Variants in NCKAP5 observed in about 807,000 individuals in gnomAD.
NCKAP5 encodes the protein nck-associated protein 5.
In NCKAP5, 92 loss-of-function variants were observed where a neutral mutation model predicts 167.0. The ratio of observed to expected loss-of-function variants is 0.55; its 90% CI spans 0.47 to 0.66. NCKAP5 has a LOEUF of 0.66. Ranked by LOEUF, NCKAP5 falls within the 30% of genes least tolerant of loss-of-function variation. The pLI is 0.00. For missense variants in NCKAP5, 2,378 were observed against 2,315.0 expected, an observed-to-expected ratio of 1.03 and a Z score of -0.56; for synonymous variants, 891 against 877.4, an observed-to-expected ratio of 1.02 and a Z score of -0.27.
the NCKAP5 span, among the ~76,000 whole-genome samples, chr2:133,669,127 G>A: frequency 6.6e-6 from 1 of 152,112 alleles, no homozygotes; most frequent in Admixed American, 6.6e-5. Context: ...TAGTGACTAG[G>A]CTACTGGTTT....
chr2:132,783,516 G>A lies in NCKAP5; in HGVS notation c.3295C>T (p.Pro1099Ser), dbSNP rs756221197. ...ACCCCTAAGAAGGAAGGCTTGGGGG[G>A]TGTGGAGGCGCTATCATTCAATTGT... ...KGQLNDSAST[P>S]PKPSFLGVNE... Residue 1099 changes from proline to serine, a missense_variant, in exon 14 of 20, where the codon CCC becomes TCC. Physicochemically the swap from Pro to Ser is moderately conservative, Grantham distance 74. This residue lies in a region of NCKAP5 where 1,325 missense variants were observed against 1,274.5 expected (regional missense o/e 1.04). Transcript: ENST00000409261. The A allele has an allele frequency of 1.2e-6, 2 of 1,612,872 alleles. No individual in the cohort carries two copies. Among genetic ancestry groups the A allele is most frequent in the African/African-American group, 2.7e-5 (2 of 74,896 alleles).
intron 11 of NCKAP5, among the ~76,000 whole-genome samples, chr2:132,856,505 C>A (rs1343213904): frequency 6.6e-6 from 1 of 152,144 alleles, no homozygotes; most frequent in Non-Finnish European, 1.5e-5. Flanking sequence ...ATCATCTACC[C>A]TATAAAATTC....
chr2:133,193,898 T>C (rs1413384603), intron 5 of NCKAP5, among the ~76,000 whole-genome samples: 5 of 152,146 alleles, frequency 3.3e-5, no homozygotes, highest in Admixed American at 2.6e-4. Context: ...CAACATATTT[T>C]AGTCAAAAAT....
At chr2:133,052,217 C>T (rs189639540) in intron 6 of NCKAP5, among the ~76,000 whole-genome samples, 3 of 152,262 alleles carry the variant, frequency 2.0e-5, no homozygotes, top group Admixed American at 2.0e-4. Context: ...CACCTCTGTG[C>T]CATCTACAGT....
At chr2:132,842,791 C>T (rs1035909618) in intron 11 of NCKAP5, among the ~76,000 whole-genome samples, 3 of 152,050 alleles carry the variant, frequency 2.0e-5, no homozygotes, top group African/African-American at 7.2e-5. Context: ...CCTTCTGCCT[C>T]GGCCTCCCAA....
Position 133,468,582 on chromosome 2 carries a change from C to T in NCKAP5, c.69+48876G>A, listed in dbSNP as rs537199598. Among the ~76,000 whole-genome samples the T allele has an allele frequency of 4.6e-5, 7 of 152,078 alleles. No individual in the cohort carries two copies. In the East Asian group the frequency reaches 5.8e-4, roughly 13 times the overall value. On this transcript the variant is annotated intron_variant, in intron 3 of 19. Transcript: ENST00000409261. ...GGGTATCCTTGTTGACTTTCTGTCT[C>T]GTTGATCTGTCTAATGCTGACAGTG...
intron 3 of NCKAP5, among the ~76,000 whole-genome samples, chr2:133,341,283 G>GA (rs1683565186): frequency 1.8e-5 from 2 of 110,378 alleles, no homozygotes; most frequent in Non-Finnish European, 3.8e-5. Flanking sequence ...GAAGTGAGCA[G>GA]ATTTTTTTTT....
chr2:133,524,048 C>T (rs1684680111), intron 2 of NCKAP5, among the ~76,000 whole-genome samples: 1 of 152,132 alleles, frequency 6.6e-6, no homozygotes, highest in African/African-American at 2.4e-5. Context: ...TCAAGCTTTG[C>T]CGCATGTTAG....
At position 132,938,050 on chromosome 2, in the gene NCKAP5, C is replaced by T. The variant is rs149635768; in HGVS notation, c.579+25670G>A. On this transcript the variant is annotated intron_variant, in intron 8 of 19. Transcript: ENST00000409261. ...CTATTCTATCCTCTGAGCTTTTAAG[C>T]TCCCTTTTCAATAAATAAATCACAA... is the stretch of plus-strand genomic sequence containing the variant. 2.3e-4 allele frequency among the ~76,000 whole-genome samples: 35 copies of T among 152,318 alleles called. No homozygotes were observed. In the East Asian group the frequency reaches 4.8e-3, roughly 21 times the overall value.
At chr2:133,586,886 G>A in the NCKAP5 span, among the ~76,000 whole-genome samples, 236 of 152,184 alleles carry the variant, frequency 1.6e-3, 1 homozygote, top group African/African-American at 5.4e-3. Flanking sequence ...AAAGGGCATG[G>A]CCAGCAAAAG....
At chr2:132,895,059 C>G (rs984827167) in intron 8 of NCKAP5, among the ~76,000 whole-genome samples, 2 of 152,154 alleles carry the variant, frequency 1.3e-5, no homozygotes, top group Non-Finnish European at 2.9e-5. Flanking sequence ...GGGCCGGGCG[C>G]AGTGGCTCAC....
At chr2:132,759,542 G>C (rs1318840511) in intron 16 of NCKAP5, among the ~76,000 whole-genome samples, 28 of 152,052 alleles carry the variant, frequency 1.8e-4, no homozygotes, top group Non-Finnish European at 2.9e-5. Context: ...CAAAACAAAA[G>C]CAAATGCCAA....
chr2:133,417,861 G>T (rs1366499632), intron 3 of NCKAP5, among the ~76,000 whole-genome samples: 1 of 152,180 alleles, frequency 6.6e-6, no homozygotes, highest in Non-Finnish European at 1.5e-5. Context: ...GAGAAGAAAA[G>T]GCGTAGGAGA....
At chr2:132,989,447 G>A (rs1257661250) in intron 7 of NCKAP5, among the ~76,000 whole-genome samples, 1 of 152,114 alleles carries the variant, frequency 6.6e-6, no homozygotes, top group Admixed American at 6.5e-5. Flanking sequence ...TGGGGACCCG[G>A]GAGGTGCTTT....
the NCKAP5 span, among the ~76,000 whole-genome samples, chr2:133,606,352 G>C: frequency 1.3e-5 from 2 of 152,160 alleles, no homozygotes; most frequent in Non-Finnish European, 2.9e-5. Context: ...GAAGCCTGTT[G>C]ACCACAAAGA....
intron 4 of NCKAP5, among the ~76,000 whole-genome samples, chr2:133,233,514 C>T (rs1375408343): frequency 6.6e-6 from 1 of 152,126 alleles, no homozygotes; most frequent in Non-Finnish European, 1.5e-5. Context: ...CATATATAAA[C>T]ATCTATATTC....
intron 3 of NCKAP5, among the ~76,000 whole-genome samples, chr2:133,346,607 G>A (rs2150792803): frequency 6.6e-6 from 1 of 152,332 alleles, no homozygotes; most frequent in South Asian, 2.1e-4. Flanking sequence ...AGCTTCCAGG[G>A]CTGCGGGCCC....
intron 11 of NCKAP5, among the ~76,000 whole-genome samples, chr2:132,853,308 G>A (rs1839000): frequency 0.17 from 26,013 of 152,140 alleles, 2,541 homozygotes; most frequent in East Asian, 0.3. Flanking sequence ...AAGCTATGGC[G>A]ACATCTAGCT....
At chr2:133,444,138 T>G (rs771621327) in intron 3 of NCKAP5, among the ~76,000 whole-genome samples, 3 of 152,154 alleles carry the variant, frequency 2.0e-5, no homozygotes, top group Non-Finnish European at 4.4e-5. Context: ...CTGGAAGGTG[T>G]CTGGGGCTCC....
Sources: allele counts gnomAD v4.1 joint callset (sites outside exome capture counted in the v4.1 genomes callset), GRCh38; gene constraint gnomAD v4.1.1; regional missense constraint gnomAD v4.1.1; transcripts MANE v1.5; gene names NCBI Gene and HGNC (gene_info 2026-07-23, HGNC 2026-07-21).